CSMD1: variants seen among roughly 807,000 people sequenced by gnomAD.
CSMD1 encodes CUB and sushi domain-containing protein 1.
CSMD1 carries 213 observed loss-of-function variants against 417.5 expected under a neutral mutation model. The observed-to-expected ratio is 0.51, with a 90% CI of 0.46 to 0.57. CSMD1 has a LOEUF of 0.57. Among genes scored for constraint, CSMD1 ranks in the 20% least tolerant of loss-of-function variants. The pLI is 0.00. For missense variants in CSMD1, 6,923 were observed against 4,529.7 expected (o/e 1.53, Z -15.17); for synonymous variants, 2,862 against 1,736.8 (o/e 1.65, Z -16.11).
At chr8:4,071,383 C>G (rs1366956580) in intron 3 of CSMD1, among the ~76,000 whole-genome samples, 1 of 145,750 alleles carries the variant, frequency 6.9e-6, no homozygotes, top group Non-Finnish European at 1.5e-5. Flanking sequence ...TTAAGCCTTT[C>G]CAAGTAAACC....
At chr8:3,530,522 T>G (rs929479722) in intron 10 of CSMD1, among the ~76,000 whole-genome samples, 35 of 152,266 alleles carry the variant, frequency 2.3e-4, no homozygotes, top group African/African-American at 7.7e-4. Flanking sequence ...TCTTTTCGTT[T>G]TGTTTTGTTT....
chr8:2,945,870 G>C (rs1802197670), intron 68 of CSMD1, among the ~76,000 whole-genome samples: 1 of 152,182 alleles, frequency 6.6e-6, no homozygotes, highest in African/African-American at 2.4e-5. Context: ...TACTGAAGGA[G>C]GGTGAGCATC....
chr8:3,765,338 G>C (rs1298835441), intron 5 of CSMD1, among the ~76,000 whole-genome samples: 2 of 152,148 alleles, frequency 1.3e-5, no homozygotes, highest in Admixed American at 1.3e-4. Flanking sequence ...TTTTTCAGAA[G>C]ACATCCCTTC....
At chr8:3,868,681 C>A (rs1280970069) in intron 5 of CSMD1, among the ~76,000 whole-genome samples, 1 of 152,198 alleles carries the variant, frequency 6.6e-6, no homozygotes, top group East Asian at 1.9e-4. Flanking sequence ...CTTTCCATCT[C>A]ATGAATGCAG....
intron 3 of CSMD1, among the ~76,000 whole-genome samples, chr8:4,406,233 A>C (rs554666026): frequency 6.6e-6 from 1 of 152,034 alleles, no homozygotes; most frequent in African/African-American, 2.4e-5. Flanking sequence ...AGTCCCCCCA[A>C]ATGGTGCAAG....
intron 3 of CSMD1, among the ~76,000 whole-genome samples, chr8:4,197,557 T>C (rs1799411534): frequency 6.6e-6 from 1 of 152,204 alleles, no homozygotes; most frequent in Non-Finnish European, 1.5e-5. Context: ...ACACTGGTTC[T>C]ATTTCTTTGG....
intron 5 of CSMD1, among the ~76,000 whole-genome samples, chr8:3,908,464 C>T (rs528505747): frequency 2.6e-5 from 4 of 152,120 alleles, no homozygotes; most frequent in African/African-American, 9.7e-5. Context: ...CACACACATT[C>T]CCTGGGCCTT....
intron 5 of CSMD1, among the ~76,000 whole-genome samples, chr8:3,756,019 G>C (rs1295459415): frequency 6.6e-6 from 1 of 151,960 alleles, no homozygotes; most frequent in Non-Finnish European, 1.5e-5. Flanking sequence ...AAAACCCCCA[G>C]TCTGTGCCAC....
At chr8:3,279,437 G>T (rs1037320199) in intron 26 of CSMD1, among the ~76,000 whole-genome samples, 1 of 152,164 alleles carries the variant, frequency 6.6e-6, no homozygotes, top group African/African-American at 2.4e-5. Flanking sequence ...TTACAGCCCT[G>T]ATTGTAGTAC....
chr8:3,973,740 A>T (rs1813231757), intron 5 of CSMD1, among the ~76,000 whole-genome samples: 1 of 152,206 alleles, frequency 6.6e-6, no homozygotes, highest in Admixed American at 6.5e-5. Context: ...TATTTCATTG[A>T]TACACTAATG....
At chr8:3,412,698 A>T (rs2116934681) in intron 12 of CSMD1, among the ~76,000 whole-genome samples, 1 of 152,356 alleles carries the variant, frequency 6.6e-6, no homozygotes, top group African/African-American at 2.4e-5. Context: ...CTACGAAAGC[A>T]AAATGTTCCT....
At chr8:3,291,756 G>A (rs1320123342) in intron 25 of CSMD1, among the ~76,000 whole-genome samples, 2 of 151,914 alleles carry the variant, frequency 1.3e-5, no homozygotes, top group African/African-American at 2.4e-5. Flanking sequence ...TATCAGTTTT[G>A]TTGATCTGTC....
At chr8:3,999,050 T>C (rs987527114) in intron 4 of CSMD1, among the ~76,000 whole-genome samples, 12 of 150,208 alleles carry the variant, frequency 8.0e-5, no homozygotes, top group African/African-American at 2.9e-4. Flanking sequence ...TATATAGCTA[T>C]GTTATATATA....
intron 3 of CSMD1, among the ~76,000 whole-genome samples, chr8:4,255,226 C>A (rs1173239867): frequency 6.6e-6 from 1 of 152,030 alleles, no homozygotes; most frequent in African/African-American, 2.4e-5. Context: ...GCATGCAGTC[C>A]CTATGGATTT....
intron 5 of CSMD1, among the ~76,000 whole-genome samples, chr8:3,807,197 T>G (rs1460400797): frequency 6.6e-6 from 1 of 152,142 alleles, no homozygotes; most frequent in African/African-American, 2.4e-5. Flanking sequence ...AATGGAAATT[T>G]TCATGAAGAA....
chr8:3,729,108 G>T (rs866313034), intron 6 of CSMD1, among the ~76,000 whole-genome samples: 21 of 152,150 alleles, frequency 1.4e-4, no homozygotes, highest in African/African-American at 4.6e-4. Context: ...TAAAGGTTTC[G>T]AGCTAAAGTA....
intron 51 of CSMD1, among the ~76,000 whole-genome samples, chr8:3,020,911 A>G (rs1809315876): frequency 6.6e-6 from 1 of 152,374 alleles, no homozygotes; most frequent in East Asian, 1.9e-4. Flanking sequence ...GCTCTACCAA[A>G]TGTTAATGAA....
In CSMD1 at chr8:3,367,113, G is replaced by C. The variant is rs1445603259; in HGVS notation, c.3034C>G (p.Leu1012Val). The C allele has an allele frequency of 6.2e-7, 1 of 1,613,830 alleles. No individual in the cohort carries two copies. The highest frequency in any genetic ancestry group is 2.2e-5 in the East Asian group (1 of 44,844). The part of the protein sequence containing the change: ...SVLPHTIKAG[L>V]FGNFTAQLRF... ...AGCTGGGCAGTGAAGTTTCCAAACAGGCCTGCCTTGATCGTATGAGGCAAC... is the reference window on the plus strand; with the variant it reads ...AGCTGGGCAGTGAAGTTTCCAAACACGCCTGCCTTGATCGTATGAGGCAAC... The change falls in exon 20 of 70, where the codon CTG (leucine) becomes GTG (valine). Residue 1012 changes from leucine (L) to valine (V), a missense_variant. Coordinates refer to ENST00000635120, the MANE Select transcript of CSMD1 (RefSeq NM_033225.6).
chr8:3,270,719 G>A (rs1215149398), intron 26 of CSMD1, among the ~76,000 whole-genome samples: 1 of 152,004 alleles, frequency 6.6e-6, no homozygotes, highest in Non-Finnish European at 1.5e-5. Flanking sequence ...TATCAACAGT[G>A]GATGTAAAAT....
Sources: gnomAD v4.1 joint callset for allele counts (sites outside exome capture counted in the v4.1 genomes callset) on GRCh38, gnomAD v4.1.1 for gene constraint, MANE v1.5 for transcripts, NCBI Gene and HGNC (gene_info 2026-07-23, HGNC 2026-07-21) for gene names.